Variants in SHISA9 observed in about 807,000 individuals in gnomAD.
The protein encoded by SHISA9 is shisa family member 9.
SHISA9 carries 13 observed loss-of-function variants against 38.0 expected under a neutral mutation model. The ratio of observed to expected loss-of-function variants is 0.34; its 90% CI spans 0.22 to 0.54. The LOEUF is 0.54. Ranked by LOEUF, SHISA9 falls within the 20% of genes least tolerant of loss-of-function variation. The pLI, the probability that SHISA9 is intolerant of heterozygous loss-of-function variation, is 0.91. For missense variants in SHISA9, 538 were observed against 575.8 expected, an observed-to-expected ratio of 0.93 and a Z score of 0.67; for synonymous variants, 275 against 242.0, an observed-to-expected ratio of 1.14 and a Z score of -1.27.
chr16:13,059,167 G>A (rs1043066628), intron 2 of SHISA9, among the ~76,000 whole-genome samples: 4 of 116,650 alleles, frequency 3.4e-5, no homozygotes, highest in Admixed American at 2.5e-4. Context: ...TCACTCTGTC[G>A]CCCAGGCTGG....
the SHISA9 span, among the ~76,000 whole-genome samples, chr16:13,532,557 A>ATG: frequency 0.012 from 1,843 of 150,032 alleles, 28 homozygotes; most frequent in East Asian, 0.055. Flanking sequence ...GCGTGTGTGT[A>ATG]TGTGTGTGTG....
intron 4 of SHISA9, among the ~76,000 whole-genome samples, chr16:13,218,128 C>G (rs1365476926): frequency 6.6e-6 from 1 of 152,172 alleles, no homozygotes; most frequent in Non-Finnish European, 1.5e-5. Flanking sequence ...CATGAGGAAA[C>G]TGGGGTTTCC....
At chr16:13,054,197 C>G (rs2073284440) in intron 2 of SHISA9, among the ~76,000 whole-genome samples, 1 of 152,224 alleles carries the variant, frequency 6.6e-6, no homozygotes, top group African/African-American at 2.4e-5. Flanking sequence ...GATTCAAACA[C>G]TGGCCTTAAG....
the SHISA9 span, among the ~76,000 whole-genome samples, chr16:13,472,326 T>C: frequency 5.9e-5 from 9 of 152,024 alleles, no homozygotes; most frequent in Non-Finnish European, 1.3e-4. Context: ...AAGCATATAT[T>C]TGCCTGTTTG....
chr16:13,074,886 A>T (rs140176193), intron 2 of SHISA9, among the ~76,000 whole-genome samples: 1 of 151,262 alleles, frequency 6.6e-6, no homozygotes, highest in East Asian at 2.0e-4. Flanking sequence ...CTGGTCTCAA[A>T]CTCCTGACCT....
At chr16:13,199,679 C>A (rs930333103) in intron 2 of SHISA9, among the ~76,000 whole-genome samples, 1 of 152,136 alleles carries the variant, frequency 6.6e-6, no homozygotes, top group Non-Finnish European at 1.5e-5. Context: ...TTGTTTGACT[C>A]CAATGGTTCC....
the SHISA9 span, among the ~76,000 whole-genome samples, chr16:13,285,923 A>G: frequency 1.6e-4 from 25 of 152,136 alleles, no homozygotes; most frequent in Non-Finnish European, 3.1e-4. Flanking sequence ...CTACCATTTT[A>G]GTCATGTGCT....
chr16:12,960,113 G>A lies in SHISA9; in HGVS notation c.691+43298G>A, dbSNP rs137967209. Reference sequence around the variant, plus strand: ...TACTTGCGTGGTGTGCTCATTTGGCGTTTGGCCCTGATATCATGCAGCCTT... The same window carrying A: ...TACTTGCGTGGTGTGCTCATTTGGCATTTGGCCCTGATATCATGCAGCCTT... On this transcript the variant is annotated intron_variant, in intron 2 of 4. Coordinates refer to ENST00000558583, the MANE Select transcript of SHISA9 (RefSeq NM_001145204.3). 2.2e-4 allele frequency among the ~76,000 whole-genome samples: 33 copies of A among 152,188 alleles called. No individual in the cohort carries two copies. In the East Asian group the frequency reaches 3.5e-3, roughly 16 times the overall value.
the SHISA9 span, among the ~76,000 whole-genome samples, chr16:13,415,179 G>A: frequency 6.6e-6 from 1 of 152,146 alleles, no homozygotes; most frequent in African/African-American, 2.4e-5. Flanking sequence ...TATGTAAGGA[G>A]GCAGCTTTAG....
rs980884289 is a variant in SHISA9 at position 13,087,627 on chromosome 16, T to C, written c.692-115767T>C. On this transcript the variant is annotated intron_variant, in intron 2 of 4. Transcript: ENST00000558583. ...CTGTTGGCTGCATAGACGTCTTCTT[T>C]TGGGAAGTGTCTGTTCATATCCTTT... Among the ~76,000 whole-genome samples, 6 of 152,260 alleles carry C rather than the reference T, an allele frequency of 3.9e-5. No individual in the cohort carries two copies. In the East Asian group the frequency reaches 1.2e-3, roughly 29 times the overall value.
At chr16:13,163,839 CA>C (rs1221763649) in intron 2 of SHISA9, among the ~76,000 whole-genome samples, 2 of 152,130 alleles carry the variant, frequency 1.3e-5, no homozygotes, top group Non-Finnish European at 2.9e-5. Flanking sequence ...TTGTGTCTTG[CA>C]ACCTTGCTAA....
intron 2 of SHISA9, among the ~76,000 whole-genome samples, chr16:13,137,994 A>C (rs2050365397): frequency 6.6e-6 from 1 of 152,298 alleles, no homozygotes; most frequent in East Asian, 1.9e-4. Context: ...TAGTTCACAC[A>C]GATAATTTGG....
intron 2 of SHISA9, among the ~76,000 whole-genome samples, chr16:13,157,776 C>T (rs1168250994): frequency 6.6e-6 from 1 of 152,148 alleles, no homozygotes; most frequent in African/African-American, 2.4e-5. Context: ...TTCTGCCAGC[C>T]CCCAATCCGG....
intron 2 of SHISA9, among the ~76,000 whole-genome samples, chr16:13,183,696 C>T (rs192044066): frequency 6.6e-6 from 1 of 152,290 alleles, no homozygotes; most frequent in South Asian, 2.1e-4. Flanking sequence ...TCATAACTAC[C>T]TATTCTCATT....
the SHISA9 span, among the ~76,000 whole-genome samples, chr16:13,305,415 T>G: frequency 1.3e-5 from 2 of 152,190 alleles, no homozygotes; most frequent in African/African-American, 4.8e-5. Flanking sequence ...AGCCTAGGAA[T>G]GTACTTTTAA....
intron 2 of SHISA9, among the ~76,000 whole-genome samples, chr16:13,054,404 G>A (rs534827789): frequency 6.6e-6 from 1 of 152,296 alleles, no homozygotes; most frequent in Non-Finnish European, 1.5e-5. Context: ...GTATAGCATT[G>A]AAATTTCCTA....
chr16:12,928,981 T>C (rs772159912), intron 2 of SHISA9, among the ~76,000 whole-genome samples: 1 of 152,196 alleles, frequency 6.6e-6, no homozygotes, highest in Non-Finnish European at 1.5e-5. Flanking sequence ...AAAAACATGT[T>C]TTAATGAACA....
chr16:13,293,814 A>G, the SHISA9 span, among the ~76,000 whole-genome samples: 223 of 152,356 alleles, frequency 1.5e-3, 1 homozygote, highest in Middle Eastern at 0.017. Context: ...AAAACAAAAC[A>G]AAAACTCTAG....
the SHISA9 span, among the ~76,000 whole-genome samples, chr16:13,485,038 T>G: frequency 6.6e-6 from 1 of 152,014 alleles, no homozygotes; most frequent in Non-Finnish European, 1.5e-5. Context: ...TCTTTTTTTT[T>G]TTTAACTTTA....
Sources: gnomAD v4.1 joint callset for allele counts (sites outside exome capture counted in the v4.1 genomes callset) on GRCh38, gnomAD v4.1.1 for gene constraint, MANE v1.5 for transcripts, NCBI Gene and HGNC (gene_info 2026-07-23, HGNC 2026-07-21) for gene names.